Variants in LIFR observed in about 807,000 individuals in gnomAD.
The protein encoded by LIFR is LIF receptor subunit alpha.
In LIFR, 84 loss-of-function variants were observed where a neutral mutation model predicts 122.2. The observed-to-expected ratio is 0.69, with a 90% CI of 0.58 to 0.82. The LOEUF (loss-of-function observed/expected upper bound fraction) is 0.82, where lower values mean the gene tolerates loss of function less well. Among genes scored for constraint, LIFR ranks in the 40% least tolerant of loss-of-function variants. The pLI, the probability that LIFR is intolerant of heterozygous loss-of-function variation, is 0.00. For synonymous variants in LIFR, 422 were observed against 434.7 expected, an observed-to-expected ratio of 0.97 and a Z score of 0.36; for missense variants, 1,294 against 1,311.6, an observed-to-expected ratio of 0.99 and a Z score of 0.21.
Position 38,482,046 on chromosome 5 carries a change from G to A in LIFR, c.2843C>T (p.Ser948Phe). The part of the protein sequence containing the change: ...DAEPENHVVV[S>F]YCPPIIEEEI... ...TTCCTCAATGATGGGTGGACAATAG[G>A]ACACAACCACATGGTTTTCAGGCTC... is the stretch of plus-strand genomic sequence containing the variant. Residue 948 changes from serine (S) to phenylalanine (F), a missense_variant, in exon 20 of 20, where the codon TCC (serine) becomes TTC (phenylalanine). Physicochemically the swap from Ser to Phe is radical, Grantham distance 155 (BLOSUM62 -2). Coordinates refer to ENST00000453190, the MANE Select transcript of LIFR (RefSeq NM_001127671.2). The A allele has an allele frequency of 1.2e-6, 2 of 1,612,768 alleles. No homozygotes were observed. The highest frequency in any genetic ancestry group is 1.7e-6 in the Non-Finnish European group (2 of 1,179,296).
intron 1 of LIFR, among the ~76,000 whole-genome samples, chr5:38,594,032 CAA>C (rs1212996601): frequency 1.3e-5 from 2 of 152,108 alleles, no homozygotes; most frequent in African/African-American, 4.8e-5. Flanking sequence ...TAAGGGGAAA[CAA>C]GAGAGACAGG....
rs561061349 is a variant in LIFR at position 38,507,685 on chromosome 5, T to C, written c.992-1053A>G. 4.6e-5 allele frequency among the ~76,000 whole-genome samples: 7 copies of C among 152,186 alleles called. No homozygotes were observed. In the East Asian group the frequency reaches 1.2e-3, roughly 25 times the overall value. ...CATATAGAAACTGGTATTTCCTCTC[T>C]CATATTTATCCAAACTATCTTTCAC... On this transcript the variant is annotated intron_variant, in intron 7 of 19. Coordinates refer to ENST00000453190, the MANE Select transcript of LIFR (RefSeq NM_001127671.2).
At chr5:38,570,785 C>T (rs1749183693) in intron 1 of LIFR, among the ~76,000 whole-genome samples, 1 of 152,086 alleles carries the variant, frequency 6.6e-6, no homozygotes, top group Middle Eastern at 3.2e-3. Flanking sequence ...ATCTAACTTG[C>T]TAAATCTCCA....
chr5:38,503,898 C>G, intron 10 of LIFR, 78 bp downstream of exon 10: 1 of 987,616 alleles, frequency 1.0e-6, no homozygotes, highest in East Asian at 2.4e-5. Flanking sequence ...AGAGCTTAAG[C>G]ATATCAATTT....
intron 5 of LIFR, among the ~76,000 whole-genome samples, chr5:38,514,270 A>G (rs151170394): frequency 6.6e-6 from 1 of 152,286 alleles, no homozygotes; most frequent in African/African-American, 2.4e-5. Context: ...GAAATTCCCA[A>G]GCTGACACAC....
chr5:38,528,879 G>T (rs62355820), intron 2 of LIFR, 39 bp from the exon 3 acceptor site: 2 of 344,774 alleles, frequency 5.8e-6, no homozygotes, highest in Non-Finnish European at 4.5e-6. Context: ...CACACACACA[G>T]ACACACATAA....
At chr5:38,604,119 G>A (rs556014706) in intron 2 of LIFR, among the ~76,000 whole-genome samples, 19 of 152,318 alleles carry the variant, frequency 1.2e-4, no homozygotes, top group Non-Finnish European at 2.2e-4. Context: ...TGGCAGAGAT[G>A]CAAATGTGGT....
rs193196769 is a variant in LIFR at position 38,543,247 on chromosome 5, G to A, written c.-19-12581C>T. 1.4e-3 allele frequency among the ~76,000 whole-genome samples: 207 copies of A among 151,888 alleles called. 1 individual carries two copies. Among genetic ancestry groups the A allele is most frequent in the Admixed American group, 0.013 (200 of 15,184 alleles). ...AACCTGTAGTTGTGTAAAGCCACAG[G>A]CCACATGCTCCAGGGAGGCCCAAGC... On this transcript the variant is annotated intron_variant, in intron 1 of 19. Transcript: ENST00000453190.
rs771234841 is a variant in LIFR at position 38,502,714 on chromosome 5, C to T, written c.1523G>A (p.Arg508Gln). The change falls in exon 11 of 20, where the codon CGG becomes CAG. Residue 508 changes from arginine to glutamine, a missense_variant. By Grantham distance (43) the Arg-to-Gln change is conservative. Coordinates refer to ENST00000453190, the MANE Select transcript of LIFR (RefSeq NM_001127671.2). ...GAAAGTTTCAGTAGAACAACGAATCCGAAAAGTATATAGAGTGTATGGATT... is the reference window on the plus strand; with the variant it reads ...GAAAGTTTCAGTAGAACAACGAATCTGAAAAGTATATAGAGTGTATGGATT... ...KLNPYTLYTF[R>Q]IRCSTETFWK... is the part of the protein sequence containing the mutation. 5 of 1,611,578 alleles carry T rather than the reference C, an allele frequency of 3.1e-6. No homozygotes were observed. The South Asian group carries it at 3.3e-5, about 11-fold the overall frequency.
At position 38,493,657 on chromosome 5, in the gene LIFR, T is replaced by TA. The variant is rs1430793861; in HGVS notation, c.2013dup (p.Met672TyrfsTer12). 40 of 1,614,204 alleles carry TA rather than the reference T, an allele frequency of 2.5e-5. No individual in the cohort carries two copies. The highest frequency in any genetic ancestry group is 3.2e-5 in the Non-Finnish European group (38 of 1,180,032). On this transcript the variant is annotated frameshift_variant, in exon 14 of 20. Coordinates refer to ENST00000453190, the MANE Select transcript of LIFR (RefSeq NM_001127671.2). LOFTEE classifies it high-confidence loss of function. Reference sequence around the variant, plus strand: ...TTTGAGGGAACTTTTCTCCAGTCCATAAGGCATGGTTCCGACCGAGACGAG... The same window carrying TA: ...TTTGAGGGAACTTTTCTCCAGTCCATAAAGGCATGGTTCCGACCGAGACGAG...
chr5:38,498,049 A>G (rs537652736), intron 12 of LIFR, among the ~76,000 whole-genome samples: 40 of 152,330 alleles, frequency 2.6e-4, no homozygotes, highest in Middle Eastern at 3.4e-3. Flanking sequence ...ACTGCTTTTC[A>G]TAACAACTGC....
At position 38,527,190 on chromosome 5, in the gene LIFR, G is replaced by T; in HGVS notation, c.362C>A (p.Ser121Tyr). Residue 121 changes from serine to tyrosine, a missense_variant, in exon 4 of 20, where the codon TCT becomes TAT. Transcript: ENST00000453190. ...TTCATTTAGTGTGAATTTACTTGTAGAACTTCCAAAATCATGTAGAGAATT... is the reference window on the plus strand; with the variant it reads ...TTCATTTAGTGTGAATTTACTTGTATAACTTCCAAAATCATGTAGAGAATT... ...TINSLHDFGS[S>Y]TSKFTLNEQN... 1.9e-6 allele frequency: 3 copies of T among 1,592,182 alleles called. No individual in the cohort carries two copies. The highest frequency in any genetic ancestry group is 1.7e-6 in the Non-Finnish European group (2 of 1,162,228).
At chr5:38,497,002 G>A (rs558547257) in intron 12 of LIFR, among the ~76,000 whole-genome samples, 4 of 151,176 alleles carry the variant, frequency 2.6e-5, no homozygotes, top group Non-Finnish European at 5.9e-5. Context: ...CCAGTTACAA[G>A]GTAGTATCAG....
intron 1 of LIFR, among the ~76,000 whole-genome samples, 164 bp downstream of exon 1, chr5:38,556,170 G>A (rs1046805656): frequency 1.3e-5 from 2 of 152,048 alleles, no homozygotes; most frequent in African/African-American, 4.8e-5. Context: ...AGGGCGCGCG[G>A]AGAGCGGCGG....
chr5:38,484,933 T>C (rs1744202755), intron 17 of LIFR, 65 bp from the exon 18 acceptor site: 3 of 1,075,026 alleles, frequency 2.8e-6, no homozygotes, highest in East Asian at 4.8e-5. Context: ...AATAGATGTA[T>C]GTTAGAAGGT....
At position 38,493,795 on chromosome 5, in the gene LIFR, G is replaced by A. The variant is rs1744728664; in HGVS notation, c.1886-10C>T. The A allele has an allele frequency of 6.2e-7, 1 of 1,610,994 alleles. No individual in the cohort carries two copies. The highest frequency in any genetic ancestry group is 1.3e-5 in the African/African-American group (1 of 74,794). On this transcript the variant is annotated splice_polypyrimidine_tract_variant and intron_variant, in intron 13 of 19. Coordinates refer to ENST00000453190, the MANE Select transcript of LIFR (RefSeq NM_001127671.2). ...TCTATTTTGAGATCATCTTCAATAA[G>A]AAAGGAGGATATTTTACTGGCATTA...
chr5:38,567,922 C>T (rs916241385), intron 1 of LIFR, among the ~76,000 whole-genome samples: 6 of 152,210 alleles, frequency 3.9e-5, no homozygotes, highest in Non-Finnish European at 7.3e-5. Flanking sequence ...CCCTACACCT[C>T]ACAGAGACTG....
intron 5 of LIFR, among the ~76,000 whole-genome samples, chr5:38,521,179 T>A (rs1055147802): frequency 2.0e-5 from 3 of 152,200 alleles, no homozygotes; most frequent in African/African-American, 7.2e-5. Flanking sequence ...GTACTTTATT[T>A]TTCTGTAGCT....
At chr5:38,569,733 C>T (rs776118361) in intron 1 of LIFR, among the ~76,000 whole-genome samples, 6 of 152,156 alleles carry the variant, frequency 3.9e-5, no homozygotes, top group South Asian at 2.1e-4. Flanking sequence ...ACCCTAAAAT[C>T]GCACTGTTGC....
Sources: gnomAD v4.1 joint callset for allele counts (sites outside exome capture counted in the v4.1 genomes callset) on GRCh38, gnomAD v4.1.1 for gene constraint, MANE v1.5 for transcripts, NCBI Gene and HGNC (gene_info 2026-07-23, HGNC 2026-07-21) for gene names.